The following ATP11B variants were observed in gnomAD, a reference collection of about 807,000 sequenced individuals.
ATP11B encodes the protein phospholipid-transporting ATPase IF.
ATP11B carries 81 observed loss-of-function variants against 157.8 expected under a neutral mutation model. That is an observed-to-expected ratio of 0.51 (90% CI 0.43 to 0.62). The LOEUF (loss-of-function observed/expected upper bound fraction) is 0.62, where lower values mean the gene tolerates loss of function less well. Ranked by LOEUF, ATP11B falls within the 20% of genes least tolerant of loss-of-function variation. ATP11B has a pLI of 0.00. For synonymous variants in ATP11B, 451 were observed against 469.4 expected (o/e 0.96, Z 0.51); for missense variants, 1,165 against 1,402.2 (o/e 0.83, Z 2.70).
In ATP11B at chr3:182,809,344, G is replaced by A. The variant is rs1322886560; in HGVS notation, c.28-10916G>A. 3.9e-5 allele frequency among the ~76,000 whole-genome samples: 6 copies of A among 152,270 alleles called. No homozygotes were observed. In the East Asian group the frequency reaches 9.6e-4, roughly 24 times the overall value. ...GCCTACTGCAACCTCCGCCTCCTGG[G>A]TTCAAGCGATTCTCCTGCCTCAGCC... On this transcript the variant is annotated intron_variant, in intron 1 of 29. Coordinates refer to ENST00000323116, the MANE Select transcript of ATP11B (RefSeq NM_014616.3).
chr3:182,818,171 G>A (rs986271277), intron 1 of ATP11B, among the ~76,000 whole-genome samples: 20 of 152,186 alleles, frequency 1.3e-4, no homozygotes, highest in African/African-American at 4.8e-4. Context: ...ATGTTAACAT[G>A]TTTGTGGAGT....
Position 182,836,045 on chromosome 3 carries a change from A to G in ATP11B, c.326A>G (p.Asp109Gly). 1 of 1,611,442 alleles carries G rather than the reference A, an allele frequency of 6.2e-7. No individual in the cohort carries two copies. The change falls in exon 5 of 30, where the codon GAT becomes GGT. Residue 109 changes from aspartate (D) to glycine (G), a missense_variant. By Grantham distance (94) the Asp-to-Gly change is moderately conservative. Coordinates refer to ENST00000323116, the MANE Select transcript of ATP11B (RefSeq NM_014616.3). Reference protein sequence around the residue: ...TVTAIKQGYEDWLRHNSDNEV... With the variant: ...TVTAIKQGYEGWLRHNSDNEV... The stretch of plus-strand genomic sequence containing the variant: ...TTTGGATATTTACAGGGATATGAAG[A>G]TTGGTTACGGCATAACTCAGATAAT...
chr3:182,894,103 C>T (rs906941935), intron 25 of ATP11B, among the ~76,000 whole-genome samples: 2 of 151,882 alleles, frequency 1.3e-5, no homozygotes, highest in African/African-American at 2.4e-5. Context: ...GTGTAGATTG[C>T]GAAGATTTTC....
At chr3:182,797,005 AT>A (rs1472046506) in intron 1 of ATP11B, among the ~76,000 whole-genome samples, 2 of 152,194 alleles carry the variant, frequency 1.3e-5, no homozygotes, top group Non-Finnish European at 2.9e-5. Flanking sequence ...GAAGGTCTTA[AT>A]CTGAACTCCC....
chr3:182,870,375 C>T (rs1001537413), intron 17 of ATP11B, among the ~76,000 whole-genome samples: 2 of 152,208 alleles, frequency 1.3e-5, no homozygotes, highest in African/African-American at 4.8e-5. Context: ...GTGCTCCACA[C>T]TCACCTCTGC....
At chr3:182,889,368 A>G (rs759688386) in intron 24 of ATP11B, 42 bp from the exon 25 acceptor site, 1 of 1,387,348 alleles carries the variant, frequency 7.2e-7, no homozygotes, top group East Asian at 2.5e-5. Flanking sequence ...GGCAAATAAT[A>G]AATGATCCCT....
intron 10 of ATP11B, among the ~76,000 whole-genome samples, chr3:182,851,081 T>G (rs1719940206): frequency 6.6e-6 from 1 of 152,132 alleles, no homozygotes; most frequent in African/African-American, 2.4e-5. Flanking sequence ...TCACTTGAAG[T>G]CAGGAGTTCA....
intron 24 of ATP11B, 46 bp from the exon 25 acceptor site, chr3:182,889,364 T>A (rs771452519): frequency 7.3e-6 from 10 of 1,360,754 alleles, no homozygotes; most frequent in Admixed American, 5.0e-5. Flanking sequence ...AGTGGGCAAA[T>A]AATAAATGAT....
At chr3:182,856,356 A>G (rs766929940) in intron 10 of ATP11B, among the ~76,000 whole-genome samples, 1 of 152,204 alleles carries the variant, frequency 6.6e-6, no homozygotes, top group Non-Finnish European at 1.5e-5. Context: ...AAGGAGATGG[A>G]TTTTGAGTTA....
intron 29 of ATP11B, chr3:182,915,421 G>T (rs1477597058): frequency 1.0e-6 from 1 of 985,114 alleles, no homozygotes; most frequent in Non-Finnish European, 1.2e-6. Context: ...ATAAAATGTG[G>T]CTCTGTCATG....
intron 1 of ATP11B, 75 bp from the exon 2 acceptor site, chr3:182,820,185 A>G: frequency 1.0e-6 from 1 of 965,252 alleles, no homozygotes; most frequent in Non-Finnish European, 1.7e-6. Context: ...GACCAGCTAA[A>G]TAAAGCTAAC....
chr3:182,915,663 T>C (rs370903653), intron 29 of ATP11B: 3 of 970,426 alleles, frequency 3.1e-6, no homozygotes, highest in Non-Finnish European at 1.2e-6. Flanking sequence ...AGATTTTTTC[T>C]GCTATATACA....
At chr3:182,910,223 T>G (rs1428696322) in intron 28 of ATP11B, among the ~76,000 whole-genome samples, 2 of 152,140 alleles carry the variant, frequency 1.3e-5, no homozygotes, top group Non-Finnish European at 2.9e-5. Flanking sequence ...TTTTGACATT[T>G]CAAGATGTTT....
chr3:182,837,269 G>A (rs1718628627), intron 7 of ATP11B, 95 bp downstream of exon 7: 1 of 904,190 alleles, frequency 1.1e-6, no homozygotes, highest in Admixed American at 3.0e-5. Flanking sequence ...TTAGCTAATT[G>A]GAGACTGTAT....
intron 28 of ATP11B, among the ~76,000 whole-genome samples, chr3:182,910,528 T>C (rs1477153551): frequency 6.6e-6 from 1 of 152,166 alleles, no homozygotes; most frequent in Non-Finnish European, 1.5e-5. Flanking sequence ...CTAGGATCGA[T>C]TGTGCCACTG....
intron 18 of ATP11B, 127 bp downstream of exon 18, chr3:182,872,664 A>C: frequency 1.2e-6 from 1 of 855,392 alleles, no homozygotes; most frequent in Non-Finnish European, 1.7e-6. Flanking sequence ...AAAGTAGAGA[A>C]CTAAAGCCTT....
In ATP11B at chr3:182,808,807, C is replaced by T. The variant is rs149297505; in HGVS notation, c.28-11453C>T. ...GTGGAGAGGATTCCTGTACCCTTCTCTCCCACCCAGTTTCTCTTATTGTTA... is the reference window on the plus strand; with the variant it reads ...GTGGAGAGGATTCCTGTACCCTTCTTTCCCACCCAGTTTCTCTTATTGTTA... On this transcript the variant is annotated intron_variant, in intron 1 of 29. Coordinates refer to ENST00000323116, the MANE Select transcript of ATP11B (RefSeq NM_014616.3). Among the ~76,000 whole-genome samples, 466 of 152,244 alleles carry T rather than the reference C, an allele frequency of 3.1e-3. 3 individuals carry two copies. Among genetic ancestry groups the T allele is most frequent in the African/African-American group, 0.01 (436 of 41,564 alleles).
intron 29 of ATP11B, chr3:182,917,279 A>G: frequency 2.0e-6 from 2 of 985,348 alleles, no homozygotes; most frequent in South Asian, 4.7e-5. Flanking sequence ...TGGTAATCCT[A>G]ATACTGTCCT....
intron 25 of ATP11B, among the ~76,000 whole-genome samples, chr3:182,890,195 T>C (rs1360405455): frequency 2.0e-5 from 3 of 152,206 alleles, no homozygotes; most frequent in African/African-American, 4.8e-5. Flanking sequence ...TTGGCAGAGC[T>C]AGACCTCTCT....
Sources: gnomAD v4.1 joint callset for allele counts (sites outside exome capture counted in the v4.1 genomes callset) on GRCh38, gnomAD v4.1.1 for gene constraint, MANE v1.5 for transcripts, NCBI Gene and HGNC (gene_info 2026-07-23, HGNC 2026-07-21) for gene names.